CYB5R4: variants seen among roughly 807,000 people sequenced by gnomAD.
CYB5R4 encodes the protein N-terminal cytochrome b5 and cytochrome b5 oxidoreductase domain-containing protein.
CYB5R4 carries 55 observed loss-of-function variants against 70.2 expected under a neutral mutation model. That is an observed-to-expected ratio of 0.78 (90% confidence interval 0.63 to 0.98). The LOEUF is 0.98. Ranked by LOEUF, CYB5R4 falls within the 50% of genes least tolerant of loss-of-function variation. The probability of loss-of-function intolerance (pLI) is 0.00; values close to 1 mark genes in which losing one functional copy is unlikely to be tolerated. For synonymous variants in CYB5R4, 197 were observed against 199.5 expected, an observed-to-expected ratio of 0.99 and a Z score of 0.11; for missense variants, 562 against 612.6, an observed-to-expected ratio of 0.92 and a Z score of 0.87.
At chr6:83,906,035 G>T (rs1554418366) in intron 3 of CYB5R4, among the ~76,000 whole-genome samples, 1 of 152,140 alleles carries the variant, frequency 6.6e-6, no homozygotes, top group South Asian at 2.1e-4. Flanking sequence ...AGGCAGAGGG[G>T]GGTGAGGCCA....
chr6:83,914,487 A>G lies in CYB5R4; in HGVS notation c.445+39A>G, dbSNP rs750698157. ...TTTATAATAAATGAATCATATTCAC[A>G]TGCTTATGAATAGTATTGATACACA... On this transcript the variant is annotated intron_variant, in intron 5 of 15. Transcript: ENST00000369681. 8 of 1,451,778 alleles carry G rather than the reference A, an allele frequency of 5.5e-6. No individual in the cohort carries two copies. The East Asian group carries it at 1.2e-4, about 22-fold the overall frequency. The allele number at this position is 1,451,778 out of a possible 1,614,324, so 89.9% of individuals were successfully genotyped here. A position where few individuals can be genotyped will look rare whatever the true frequency, so the allele number is the denominator to read the frequency against.
rs935197492 is a variant in CYB5R4 at position 83,961,831 on chromosome 6, C to T, written c.*1953C>T. The stretch of plus-strand genomic sequence containing the variant: ...CCAAGCAACAGAATCTCCTATTAGT[C>T]GCTATATGTAATGCTTCCTCATTCC... On this transcript the variant is annotated 3_prime_UTR_variant, in exon 16 of 16. Coordinates refer to ENST00000369681, the MANE Select transcript of CYB5R4 (RefSeq NM_016230.4). The T allele has an allele frequency of 2.0e-5, 3 of 151,616 alleles. No homozygotes were observed. Among genetic ancestry groups the T allele is most frequent in the African/African-American group, 4.8e-5 (2 of 41,358 alleles). The allele number at this position is 151,616 out of a possible 1,614,324, so 9.4% of individuals were successfully genotyped here. A position where few individuals can be genotyped will look rare whatever the true frequency, so the allele number is the denominator to read the frequency against.
chr6:83,940,518 A>G lies in CYB5R4; in HGVS notation c.1263A>G (p.Lys421=). Residue 421 remains lysine (K), a synonymous_variant, in exon 14 of 16, where the codon AAA becomes AAG. Coordinates refer to ENST00000369681, the MANE Select transcript of CYB5R4 (RefSeq NM_016230.4). The part of the protein sequence containing the change: ...YALTDIPSLR[K]VKLMFFNKTE... ...GAGTTTTTTTTTTTCTCTTAAGGAA[A>G]GTGAAGCTGATGTTCTTCAATAAAA... The G allele has an allele frequency of 6.3e-7, 1 of 1,577,858 alleles. No individual in the cohort carries two copies. Among genetic ancestry groups the G allele is most frequent in the Non-Finnish European group, 8.5e-7 (1 of 1,169,814 alleles).
At chr6:83,863,426 A>G (rs2099456263) in intron 1 of CYB5R4, among the ~76,000 whole-genome samples, 1 of 152,212 alleles carries the variant, frequency 6.6e-6, no homozygotes, top group Non-Finnish European at 1.5e-5. Context: ...CTTAGATAAG[A>G]TTGCTATCTA....
chr6:83,893,442 T>G (rs372282859), intron 2 of CYB5R4, 80 bp from the exon 3 acceptor site: 3 of 793,064 alleles, frequency 3.8e-6, no homozygotes, highest in Non-Finnish European at 6.2e-6. Context: ...TTTGGAAAGA[T>G]TTATTGAAAC....
chr6:83,860,824 G>A (rs1018967924), intron 1 of CYB5R4, among the ~76,000 whole-genome samples: 2 of 152,096 alleles, frequency 1.3e-5, no homozygotes, highest in Non-Finnish European at 2.9e-5. Flanking sequence ...AAGTACTTAC[G>A]GGTGGCCGTG....
rs2099473521 is a variant in CYB5R4 at position 83,962,691 on chromosome 6, G to A, written c.*2813G>A. On this transcript the variant is annotated 3_prime_UTR_variant, in exon 16 of 16. Transcript: ENST00000369681. ...AGCTGAGCTGGGCTCTTAGCTAGAG[G>A]CTGTAAGGGGAAGTCCCTAGATAAG... 6.6e-6 allele frequency: 1 copy of A among 152,204 alleles called. No homozygotes were observed. The highest frequency in any genetic ancestry group is 2.1e-4 in the South Asian group (1 of 4,824). The allele number at this position is 152,204 out of a possible 1,614,324, so 9.4% of individuals were successfully genotyped here. A position where few individuals can be genotyped will look rare whatever the true frequency, so the allele number is the denominator to read the frequency against.
At chr6:83,876,470 C>T (rs1352475069) in intron 2 of CYB5R4, among the ~76,000 whole-genome samples, 1 of 147,728 alleles carries the variant, frequency 6.8e-6, no homozygotes, top group African/African-American at 2.5e-5. Flanking sequence ...ACCATTTTTT[C>T]TCCACTATTA....
At chr6:83,896,436 T>C (rs1588567804) in intron 3 of CYB5R4, among the ~76,000 whole-genome samples, 1 of 152,158 alleles carries the variant, frequency 6.6e-6, no homozygotes, top group Non-Finnish European at 1.5e-5. Context: ...TTTGCACCCT[T>C]CCCTGCCTCT....
At chr6:83,862,287 AC>A (rs1172226749) in intron 1 of CYB5R4, among the ~76,000 whole-genome samples, 1 of 152,256 alleles carries the variant, frequency 6.6e-6, no homozygotes, top group Non-Finnish European at 1.5e-5. Flanking sequence ...TTCTATTAAT[AC>A]TGGTAAACAA....
intron 4 of CYB5R4, chr6:83,910,304 A>G (rs2099464476): frequency 1.6e-6 from 1 of 626,796 alleles, no homozygotes; most frequent in Non-Finnish European, 2.8e-6. Context: ...TAGGTAGACA[A>G]AGCACAAGCT....
At chr6:83,915,969 A>T (rs986408815) in intron 5 of CYB5R4, among the ~76,000 whole-genome samples, 1 of 151,838 alleles carries the variant, frequency 6.6e-6, no homozygotes, top group Admixed American at 6.6e-5. Flanking sequence ...TTACTTAATT[A>T]TTTTTTTTCA....
At chr6:83,908,987 C>T in intron 3 of CYB5R4, 22 bp from the exon 4 acceptor site, 1 of 1,604,630 alleles carries the variant, frequency 6.2e-7, no homozygotes, top group Non-Finnish European at 8.5e-7. Context: ...GTTGCTTTTC[C>T]ATCATTTGTT....
Position 83,922,477 on chromosome 6 carries a change from T to C in CYB5R4, c.691+7T>C. On this transcript the variant is annotated splice_region_variant and intron_variant, in intron 9 of 15. Transcript: ENST00000369681. Reference sequence around the variant, plus strand: ...GTTCAGGAAGATTTTTCTGGTAAGCTACCAAAAACCAAAAATTATGTATGT... The same window carrying C: ...GTTCAGGAAGATTTTTCTGGTAAGCCACCAAAAACCAAAAATTATGTATGT... The C allele has an allele frequency of 6.2e-7, 1 of 1,611,898 alleles. No individual in the cohort carries two copies.
chr6:83,890,528 AATGACAACAAAGG>A (rs1207153740), intron 2 of CYB5R4, among the ~76,000 whole-genome samples: 10 of 152,194 alleles, frequency 6.6e-5, no homozygotes, highest in African/African-American at 2.4e-4. Context: ...ACATTGTTGA[AATGACAACAAAGG>A]ATTTATAATA....
chr6:83,922,310 CT>C, intron 8 of CYB5R4, 127 bp from the exon 9 acceptor site: 2 of 586,416 alleles, frequency 3.4e-6, no homozygotes, highest in Non-Finnish European at 5.8e-6. Context: ...TTGTTTTGGT[CT>C]TTCAGAACAC....
At chr6:83,877,046 G>T (rs2099458672) in intron 2 of CYB5R4, among the ~76,000 whole-genome samples, 1 of 152,140 alleles carries the variant, frequency 6.6e-6, no homozygotes, top group African/African-American at 2.4e-5. Flanking sequence ...TAGCCAGGAT[G>T]GTTTCGATCT....
intron 4 of CYB5R4, 37 bp downstream of exon 4, chr6:83,909,127 G>A: frequency 6.5e-7 from 1 of 1,537,632 alleles, no homozygotes; most frequent in East Asian, 2.3e-5. Flanking sequence ...ATGGATGTGT[G>A]GTGCACATGT....
At chr6:83,926,879 C>G (rs1030125233) in intron 10 of CYB5R4, among the ~76,000 whole-genome samples, 5 of 152,158 alleles carry the variant, frequency 3.3e-5, no homozygotes, top group Non-Finnish European at 5.9e-5. Context: ...TACCTTGACT[C>G]TGATGCCAGA....
Sources: allele counts gnomAD v4.1 joint callset (sites outside exome capture counted in the v4.1 genomes callset), GRCh38; gene constraint gnomAD v4.1.1; transcripts MANE v1.5; gene names NCBI Gene and HGNC (gene_info 2026-07-23, HGNC 2026-07-21).